The following PHF20 variants were observed in gnomAD, a reference collection of about 807,000 sequenced individuals.
The protein encoded by PHF20 is glioma-expressed antigen 2.
PHF20 carries 23 observed loss-of-function variants against 113.5 expected under a neutral mutation model. The observed-to-expected ratio is 0.20, with a 90% CI of 0.15 to 0.29. The LOEUF (loss-of-function observed/expected upper bound fraction) is 0.29. Ranked by LOEUF, PHF20 falls within the 10% of genes least tolerant of loss-of-function variation. The pLI is 1.00. For synonymous variants in PHF20, 434 were observed against 457.3 expected, an observed-to-expected ratio of 0.95 and a Z score of 0.65; for missense variants, 943 against 1,219.6, an observed-to-expected ratio of 0.77 and a Z score of 3.38.
chr20:35,908,127 C>G (rs77382496), intron 10 of PHF20, among the ~76,000 whole-genome samples: 18 of 152,364 alleles, frequency 1.2e-4, no homozygotes, highest in African/African-American at 3.8e-4. Context: ...TGAGGCTCTG[C>G]TGTCTTTTAT....
chr20:35,869,541 CA>C lies in PHF20; in HGVS notation c.917del (p.Asn306IlefsTer35). On this transcript the variant is annotated frameshift_variant, in exon 7 of 18. Transcript: ENST00000374012. LOFTEE classifies it high-confidence loss of function. ...EVPLKRPRLD[K>X]NSSQEKSKNY... The stretch of plus-strand genomic sequence containing the variant: ...TCCCATTAAAACGTCCTCGGCTTGA[CA>C]AAAATTCATGTGAGTCTACAGTTTG... 2 of 1,575,306 alleles carry C rather than the reference CA, an allele frequency of 1.3e-6. No individual in the cohort carries two copies. The highest frequency in any genetic ancestry group is 8.7e-7 in the Non-Finnish European group (1 of 1,147,098).
intron 15 of PHF20, among the ~76,000 whole-genome samples, chr20:35,934,676 A>G (rs1230029640): frequency 7.0e-6 from 1 of 143,868 alleles, no homozygotes; most frequent in African/African-American, 2.5e-5. Flanking sequence ...GGACAGGCCT[A>G]ATGGCAGGGC....
At chr20:35,777,190 G>T (rs73902908) in intron 1 of PHF20, among the ~76,000 whole-genome samples, 15,876 of 152,184 alleles carry the variant, frequency 0.1, 867 homozygotes, top group South Asian at 0.16. Context: ...CCAAGAAGGA[G>T]TCTGTACCTT....
At chr20:35,791,593 A>G (rs1185725122) in intron 1 of PHF20, among the ~76,000 whole-genome samples, 1 of 149,048 alleles carries the variant, frequency 6.7e-6, no homozygotes, top group African/African-American at 2.5e-5. Flanking sequence ...TGTATCTTAG[A>G]ATAGTATTTG....
chr20:35,849,656 C>G (rs2042684148), intron 4 of PHF20, among the ~76,000 whole-genome samples: 1 of 152,170 alleles, frequency 6.6e-6, no homozygotes, highest in Admixed American at 6.5e-5. Context: ...ATGCTAGTCT[C>G]TCTTTTCACT....
intron 10 of PHF20, among the ~76,000 whole-genome samples, chr20:35,912,012 C>T (rs535095505): frequency 5.5e-4 from 80 of 144,920 alleles, no homozygotes; most frequent in Middle Eastern, 4.0e-3. Context: ...GATGGAGTCT[C>T]GCTCTGTCGC....
At chr20:35,859,393 G>A (rs1476206339) in intron 5 of PHF20, among the ~76,000 whole-genome samples, 1 of 152,080 alleles carries the variant, frequency 6.6e-6, no homozygotes, top group African/African-American at 2.4e-5. Context: ...TAAAAATCCT[G>A]ATTATTACTA....
chr20:35,793,186 G>A (rs1038467356), intron 1 of PHF20, among the ~76,000 whole-genome samples: 2 of 152,078 alleles, frequency 1.3e-5, no homozygotes, highest in African/African-American at 4.8e-5. Flanking sequence ...CCTTTCTGCC[G>A]GAGATTCTTT....
chr20:35,793,239 TCTC>T (rs1319344172), intron 1 of PHF20, among the ~76,000 whole-genome samples: 3 of 152,086 alleles, frequency 2.0e-5, no homozygotes, highest in African/African-American at 7.2e-5. Flanking sequence ...TTCCTTTAGA[TCTC>T]CTTCTTGTCA....
intron 4 of PHF20, among the ~76,000 whole-genome samples, chr20:35,849,790 T>C (rs2042686456): frequency 1.3e-5 from 2 of 152,162 alleles, no homozygotes; most frequent in Admixed American, 1.3e-4. Context: ...ATGTCACTTA[T>C]GTCTTGTTGG....
intron 2 of PHF20, among the ~76,000 whole-genome samples, chr20:35,804,056 C>A (rs187636263): frequency 1.3e-5 from 2 of 151,694 alleles, no homozygotes; most frequent in East Asian, 3.9e-4. Flanking sequence ...TATCTAGTCC[C>A]CTACTAATGG....
At chr20:35,860,607 TG>T (rs1322814678) in intron 5 of PHF20, among the ~76,000 whole-genome samples, 1 of 152,202 alleles carries the variant, frequency 6.6e-6, no homozygotes, top group Non-Finnish European at 1.5e-5. Context: ...TGCCTTTTGC[TG>T]GTTTTCCTTT....
intron 2 of PHF20, among the ~76,000 whole-genome samples, chr20:35,816,797 T>C (rs998928980): frequency 5.4e-5 from 8 of 146,850 alleles, no homozygotes; most frequent in East Asian, 4.0e-4. Context: ...GTTTTTTTTT[T>C]TTCTTCTTCT....
At chr20:35,792,949 C>T (rs2041586498) in intron 1 of PHF20, among the ~76,000 whole-genome samples, 1 of 152,108 alleles carries the variant, frequency 6.6e-6, no homozygotes, top group African/African-American at 2.4e-5. Context: ...TGCCTGGAGC[C>T]AGAATTGGTT....
chr20:35,834,439 C>T (rs527356540), intron 2 of PHF20, among the ~76,000 whole-genome samples: 7 of 151,860 alleles, frequency 4.6e-5, no homozygotes, highest in South Asian at 4.2e-4. Flanking sequence ...TTAGTAGAGA[C>T]GGGGTTTCTC....
intron 15 of PHF20, among the ~76,000 whole-genome samples, chr20:35,937,698 C>T (rs2055892001): frequency 6.6e-6 from 1 of 152,082 alleles, no homozygotes; most frequent in Admixed American, 6.6e-5. Context: ...TGTAGATTTC[C>T]CCACAAGAGA....
chr20:35,775,647 G>A (rs1194271456), intron 1 of PHF20, among the ~76,000 whole-genome samples: 3 of 151,604 alleles, frequency 2.0e-5, no homozygotes, highest in African/African-American at 7.3e-5. Context: ...CCAGCTACAT[G>A]GGAGGCTGAG....
At position 35,948,501 on chromosome 20, in the gene PHF20, C is replaced by G. The variant is rs2056124807; in HGVS notation, c.*874C>G. Reference sequence around the variant, plus strand: ...CAAAGAATGTGGTTTGGGGAATTACCTTATTTTATATTGTTGTAAACAAAC... The same window carrying G: ...CAAAGAATGTGGTTTGGGGAATTACGTTATTTTATATTGTTGTAAACAAAC... On this transcript the variant is annotated 3_prime_UTR_variant, in exon 18 of 18. Coordinates refer to ENST00000374012, the MANE Select transcript of PHF20 (RefSeq NM_016436.5). The G allele has an allele frequency of 6.6e-6, 1 of 152,610 alleles. No individual in the cohort carries two copies. The highest frequency in any genetic ancestry group is 2.1e-4 in the South Asian group (1 of 4,834). The allele number at this position is 152,610 out of a possible 1,614,324, so 9.5% of individuals were successfully genotyped here.
chr20:35,844,026 G>A (rs781250429), intron 3 of PHF20, among the ~76,000 whole-genome samples: 7 of 152,104 alleles, frequency 4.6e-5, no homozygotes, highest in Non-Finnish European at 1.5e-5. Context: ...GTTTTAAGCA[G>A]TGAAAGCACA....
Sources: gnomAD v4.1 joint callset for allele counts (sites outside exome capture counted in the v4.1 genomes callset) on GRCh38, gnomAD v4.1.1 for gene constraint, MANE v1.5 for transcripts, NCBI Gene and HGNC (gene_info 2026-07-23, HGNC 2026-07-21) for gene names.